The following RAP1GAP2 variants were observed in gnomAD, a reference collection of about 807,000 sequenced individuals.
The protein encoded by RAP1GAP2 is RAP1 GTPase activating protein 2, also known as rap1 GTPase-activating protein 2.
Under a neutral mutation model 95.0 loss-of-function variants are expected in RAP1GAP2, and 27 were observed. That is an observed-to-expected ratio of 0.28 (90% CI 0.21 to 0.39). The LOEUF (loss-of-function observed/expected upper bound fraction) is 0.39, where lower values mean the gene tolerates loss of function less well. RAP1GAP2 is among the 10% of genes least tolerant of loss of function. The probability of loss-of-function intolerance (pLI) is 1.00; values close to 1 mark genes in which losing one functional copy is unlikely to be tolerated. For missense variants in RAP1GAP2, 771 were observed against 970.0 expected, an observed-to-expected ratio of 0.79 and a Z score of 2.72; for synonymous variants, 373 against 380.9, an observed-to-expected ratio of 0.98 and a Z score of 0.24.
intron 13 of RAP1GAP2, among the ~76,000 whole-genome samples, chr17:2,996,931 CA>C (rs2045978857): frequency 6.6e-6 from 1 of 152,174 alleles, no homozygotes; most frequent in Non-Finnish European, 1.5e-5. Context: ...AACAAAGGAA[CA>C]AATGCATAGA....
chr17:2,919,312 G>A (rs1255999178), intron 3 of RAP1GAP2, among the ~76,000 whole-genome samples: 2 of 152,176 alleles, frequency 1.3e-5, no homozygotes, highest in Non-Finnish European at 2.9e-5. Flanking sequence ...CCAAACAGGG[G>A]TCTCCAGGGT....
chr17:3,005,460 G>A lies in RAP1GAP2; in HGVS notation c.1272+20G>A. 1.2e-6 allele frequency: 2 copies of A among 1,600,728 alleles called. No individual in the cohort carries two copies. The highest frequency in any genetic ancestry group is 1.7e-6 in the Non-Finnish European group (2 of 1,167,900). ...CAGAAGGTAGGACACTCTTCCTTCT[G>A]CCCCTCTCGCATCCACGATGCCAGG... is the stretch of plus-strand genomic sequence containing the variant. On this transcript the variant is annotated intron_variant, in intron 15 of 24. Transcript: ENST00000254695. This position sits in a 1 kb window ranked among gnomAD's most constrained non-coding sequence, Gnocchi z 5.2.
At chr17:2,840,240 T>C (rs1235304241) in intron 2 of RAP1GAP2, among the ~76,000 whole-genome samples, 1 of 151,748 alleles carries the variant, frequency 6.6e-6, no homozygotes, top group Non-Finnish European at 1.5e-5. Context: ...CTCGGTTCAC[T>C]GCGACCCCCA....
At chr17:2,807,786 G>A (rs2069582465) in intron 2 of RAP1GAP2, among the ~76,000 whole-genome samples, 1 of 152,156 alleles carries the variant, frequency 6.6e-6, no homozygotes, top group Non-Finnish European at 1.5e-5. Context: ...GAGCTATGCT[G>A]GAAGTGGGGC....
chr17:2,957,814 G>A lies in RAP1GAP2; in HGVS notation c.201+20G>A, dbSNP rs369874599. On this transcript the variant is annotated intron_variant, in intron 4 of 24. Coordinates refer to ENST00000254695, the MANE Select transcript of RAP1GAP2 (RefSeq NM_015085.5). ...ATGCAGGTGAGTACGTACCCCCACC[G>A]TGGCGGGGAAGAAGCCCAGCCCCAG... 49 of 1,571,288 alleles carry A rather than the reference G, an allele frequency of 3.1e-5. No homozygotes were observed. Among genetic ancestry groups the A allele is most frequent in the South Asian group, 5.8e-5 (5 of 86,316 alleles).
At chr17:2,907,311 G>A (rs983665881) in intron 3 of RAP1GAP2, among the ~76,000 whole-genome samples, 1 of 152,132 alleles carries the variant, frequency 6.6e-6, no homozygotes, top group African/African-American at 2.4e-5. Context: ...GAGAAGAAGG[G>A]GAAGGGATGC....
rs184292099 is a variant in RAP1GAP2, at chr17:2,876,094, C to A, written c.81-29190C>A. Among the ~76,000 whole-genome samples the A allele has an allele frequency of 7.7e-3, 1,167 of 151,826 alleles. 9 individuals carry two copies. Among genetic ancestry groups the A allele is most frequent in the African/African-American group, 0.027 (1,103 of 41,354 alleles). On this transcript the variant is annotated intron_variant, in intron 2 of 24. Transcript: ENST00000254695. The stretch of plus-strand genomic sequence containing the variant: ...CTGGGACTACAGGCACCCGCCCCCA[C>A]GCCCGGCTAATTTTTTGTATTTTTA...
chr17:3,006,117 C>CAT, intron 16 of RAP1GAP2, 76 bp downstream of exon 16: 7 of 792,950 alleles, frequency 8.8e-6, no homozygotes, highest in African/African-American at 1.8e-5. Context: ...AGGGCTCCTC[C>CAT]ATCTTTTTTT....
At chr17:2,829,641 G>A (rs1306746011) in intron 2 of RAP1GAP2, among the ~76,000 whole-genome samples, 3 of 152,130 alleles carry the variant, frequency 2.0e-5, no homozygotes, top group Admixed American at 6.6e-5. Flanking sequence ...ACAGAAGTAC[G>A]CTTCTGCCCT....
chr17:2,896,743 C>T (rs2041840101), intron 2 of RAP1GAP2, among the ~76,000 whole-genome samples: 1 of 152,210 alleles, frequency 6.6e-6, no homozygotes, highest in African/African-American at 2.4e-5. Context: ...CCGCCTCCTG[C>T]CCTTTTTCCT....
intron 2 of RAP1GAP2, among the ~76,000 whole-genome samples, chr17:2,876,580 C>T (rs181750577): frequency 3.9e-5 from 6 of 152,228 alleles, no homozygotes; most frequent in Admixed American, 2.0e-4. Context: ...GATAAGCAGC[C>T]GTGGAGACCA....
intron 2 of RAP1GAP2, among the ~76,000 whole-genome samples, chr17:2,819,795 CT>C (rs539808008): frequency 2.3e-3 from 315 of 138,082 alleles, no homozygotes; most frequent in Middle Eastern, 3.7e-3. Flanking sequence ...TCTCTTTCTC[CT>C]TTTTTTTTTT....
intron 2 of RAP1GAP2, among the ~76,000 whole-genome samples, chr17:2,853,557 G>C (rs1344681185): frequency 6.6e-6 from 1 of 151,160 alleles, no homozygotes; most frequent in East Asian, 2.0e-4. Flanking sequence ...CTGGGAGCCG[G>C]GCAGGGGGGT....
Position 2,930,724 on chromosome 17 carries a change from C to G in RAP1GAP2, c.165+25356C>G, listed in dbSNP as rs2151791513. Among the ~76,000 whole-genome samples, 2 of 152,242 alleles carry G rather than the reference C, an allele frequency of 1.3e-5. 1 individual carries two copies. Among genetic ancestry groups the G allele is most frequent in the Middle Eastern group, 6.8e-3 (2 of 294 alleles). The stretch of plus-strand genomic sequence containing the variant: ...TTACTCTGGGTGCCTCTTGTGTTAC[C>G]TTTGTGCTTGAGTGGGGGGACCACA... On this transcript the variant is annotated intron_variant, in intron 3 of 24. Transcript: ENST00000254695.
In RAP1GAP2 at chr17:2,796,525, A is replaced by G. The variant is rs1444030764; in HGVS notation, c.-3A>G. 1.9e-6 allele frequency: 3 copies of G among 1,561,022 alleles called. No homozygotes were observed. The highest frequency in any genetic ancestry group is 2.4e-5 in the South Asian group (2 of 84,646). ...TGGGACCCCGGGCTCTGCAGCCACA[A>G]CCATGTTTGGCCGGAAGCGCAGTGT... On this transcript the variant is annotated 5_prime_UTR_variant, in exon 1 of 25. Transcript: ENST00000254695. The surrounding 1 kb of genome is among the most constrained non-coding windows in gnomAD (Gnocchi z 4.7).
At chr17:2,880,842 C>G (rs1338209594) in intron 2 of RAP1GAP2, among the ~76,000 whole-genome samples, 1 of 152,162 alleles carries the variant, frequency 6.6e-6, no homozygotes, top group South Asian at 2.1e-4. Flanking sequence ...TGAAATGTGC[C>G]GAGGTCAGGC....
chr17:2,850,398 G>C (rs1458324487), intron 2 of RAP1GAP2, among the ~76,000 whole-genome samples: 1 of 152,002 alleles, frequency 6.6e-6, no homozygotes, highest in Non-Finnish European at 1.5e-5. Flanking sequence ...TTCATGGTAG[G>C]AAGGGCAAGT....
intron 1 of RAP1GAP2, among the ~76,000 whole-genome samples, chr17:2,784,081 T>C (rs2068717495): frequency 6.6e-6 from 1 of 152,098 alleles, no homozygotes; most frequent in African/African-American, 2.4e-5. Context: ...TAAGTGATTC[T>C]CTTGTCTCAG....
At chr17:2,768,758 C>T (rs1248208855) in intron 1 of RAP1GAP2, among the ~76,000 whole-genome samples, 1 of 151,542 alleles carries the variant, frequency 6.6e-6, no homozygotes, top group Admixed American at 6.6e-5. Flanking sequence ...AGGGGTTGGC[C>T]AAGGTAGGAG....
Sources: gnomAD v4.1 joint callset for allele counts (sites outside exome capture counted in the v4.1 genomes callset) on GRCh38, gnomAD v4.1.1 for gene constraint, Gnocchi (gnomAD v3.1) non-coding constraint, MANE v1.5 for transcripts, NCBI Gene and HGNC (gene_info 2026-07-23, HGNC 2026-07-21) for gene names.